Variants in DACH2 observed in about 807,000 individuals in gnomAD.
DACH2 encodes the protein dachshund homolog 2.
Under a neutral mutation model 35.8 loss-of-function variants are expected in DACH2, and 17 were observed. The ratio of observed to expected loss-of-function variants is 0.48; its 90% CI spans 0.33 to 0.71. DACH2 has a LOEUF of 0.71. Among genes scored for constraint, DACH2 ranks in the 30% least tolerant of loss-of-function variants. The pLI, the probability that DACH2 is intolerant of heterozygous loss-of-function variation, is 0.02. For missense variants in DACH2, 469 were observed against 472.7 expected, an observed-to-expected ratio of 0.99 and a Z score of 0.07; for synonymous variants, 195 against 177.3, an observed-to-expected ratio of 1.10 and a Z score of -0.79.
intron 6 of DACH2, among the ~76,000 whole-genome samples, chrX:86,722,507 C>T (rs1274436231): frequency 1.1e-5 from 1 of 91,939 alleles, no homozygotes; most frequent in Non-Finnish European, 2.1e-5. Flanking sequence ...TTCCACCATG[C>T]CTGGCTAATG....
intron 1 of DACH2, among the ~76,000 whole-genome samples, chrX:86,309,991 G>A (rs1035388128): frequency 3.6e-4 from 40 of 112,370 alleles, no homozygotes; most frequent in African/African-American, 1.3e-3. Flanking sequence ...GTCAGATAGG[G>A]ATGCTGTTTG....
At chrX:86,315,562 A>G (rs1394731339) in intron 1 of DACH2, among the ~76,000 whole-genome samples, 1 of 111,963 alleles carries the variant, frequency 8.9e-6, no homozygotes, top group Non-Finnish European at 1.9e-5. Flanking sequence ...GAACACCTTC[A>G]GGAAAGGATT....
intron 5 of DACH2, among the ~76,000 whole-genome samples, chrX:86,705,426 C>T (rs1214377765): frequency 9.1e-6 from 1 of 109,977 alleles, no homozygotes. Flanking sequence ...ACCTGTTGTC[C>T]AAAAACTCAT....
chrX:86,819,816 A>G (rs1456733573), intron 11 of DACH2, among the ~76,000 whole-genome samples: 3 of 111,478 alleles, frequency 2.7e-5, no homozygotes, highest in African/African-American at 9.8e-5. Context: ...ATTAATTAGC[A>G]TGAACAGCAG....
chrX:86,387,323 A>G (rs897259848), intron 2 of DACH2, among the ~76,000 whole-genome samples: 1 of 111,666 alleles, frequency 9.0e-6, no homozygotes, highest in African/African-American at 3.2e-5. Flanking sequence ...TTGTGATTCT[A>G]TAGGAAAATA....
chrX:86,787,040 G>A (rs772081547), intron 7 of DACH2, among the ~76,000 whole-genome samples: 13 of 111,645 alleles, frequency 1.2e-4, no homozygotes, highest in African/African-American at 4.2e-4. Flanking sequence ...CTTGCCTTCT[G>A]TCATGATTGT....
intron 3 of DACH2, among the ~76,000 whole-genome samples, chrX:86,540,597 C>A (rs977074444): frequency 4.5e-5 from 5 of 112,160 alleles, no homozygotes; most frequent in Non-Finnish European, 7.5e-5. Flanking sequence ...TTGATCGGGA[C>A]ATTTAGTTGC....
intron 3 of DACH2, among the ~76,000 whole-genome samples, chrX:86,555,940 G>A (rs1038541980): frequency 3.4e-4 from 38 of 110,599 alleles, no homozygotes; most frequent in African/African-American, 1.2e-3. Context: ...CTTTAATGCC[G>A]GCATCTAAAA....
intron 2 of DACH2, among the ~76,000 whole-genome samples, chrX:86,418,632 G>C (rs187676302): frequency 2.7e-5 from 3 of 110,853 alleles, no homozygotes; most frequent in African/African-American, 6.6e-5. Context: ...TGGACCCTGG[G>C]CCTGGCCCAC....
intron 2 of DACH2, among the ~76,000 whole-genome samples, chrX:86,422,288 G>T (rs780822206): frequency 9.0e-6 from 1 of 110,723 alleles, no homozygotes; most frequent in African/African-American, 3.3e-5. Context: ...TCAACTGACA[G>T]GATAGTTTCA....
intron 1 of DACH2, among the ~76,000 whole-genome samples, chrX:86,194,617 T>C (rs2031926948): frequency 8.9e-6 from 1 of 112,477 alleles, no homozygotes; most frequent in Non-Finnish European, 1.9e-5. Flanking sequence ...GCCATGGACC[T>C]CTGGAATCCT....
At chrX:86,798,508 T>C (rs1352145806) in intron 7 of DACH2, 1 of 113,634 alleles carries the variant, frequency 8.8e-6, no homozygotes, top group Non-Finnish European at 1.9e-5. Flanking sequence ...GTGCTTCATC[T>C]ATGCAACAAA....
At chrX:86,271,946 T>C (rs1024722831) in intron 1 of DACH2, among the ~76,000 whole-genome samples, 1 of 111,131 alleles carries the variant, frequency 9.0e-6, no homozygotes, top group African/African-American at 3.3e-5. Context: ...TAATGTACAC[T>C]GTACCCATTA....
intron 7 of DACH2, among the ~76,000 whole-genome samples, chrX:86,789,851 G>T (rs10521382): frequency 0.3 from 32,846 of 110,692 alleles, 3,842 homozygotes; most frequent in Middle Eastern, 0.39. Context: ...AAAACTACCT[G>T]TTTGTCAAGT....
intron 1 of DACH2, chrX:86,262,943 A>G: frequency 1.3e-6 from 1 of 744,027 alleles, no homozygotes; most frequent in Non-Finnish European, 1.6e-6. Flanking sequence ...TCCACATTAA[A>G]ACAACCCCCA....
At chrX:86,786,702 G>A (rs1056383838) in intron 7 of DACH2, among the ~76,000 whole-genome samples, 1 of 112,023 alleles carries the variant, frequency 8.9e-6, no homozygotes, top group Non-Finnish European at 1.9e-5. Flanking sequence ...CTGCTGGATT[G>A]GGAAAATATT....
chrX:86,547,152 G>T (rs1056592195), intron 3 of DACH2, among the ~76,000 whole-genome samples: 3 of 111,090 alleles, frequency 2.7e-5, no homozygotes, highest in Non-Finnish European at 3.8e-5. Context: ...TGTTTTGTCC[G>T]AAGCCCCTTT....
chrX:86,378,022 A>C (rs1441298843), intron 2 of DACH2, among the ~76,000 whole-genome samples: 1 of 110,406 alleles, frequency 9.1e-6, no homozygotes, highest in Admixed American at 9.7e-5. Flanking sequence ...GTAAAATAGT[A>C]AATGGATTAT....
intron 1 of DACH2, among the ~76,000 whole-genome samples, chrX:86,207,047 T>C (rs1297264803): frequency 8.9e-6 from 1 of 111,826 alleles, no homozygotes; most frequent in African/African-American, 3.3e-5. Flanking sequence ...TTAAATAGTA[T>C]ACATTTTCAA....
Sources: gnomAD v4.1 joint callset for allele counts (sites outside exome capture counted in the v4.1 genomes callset) on GRCh38, gnomAD v4.1.1 for gene constraint, MANE v1.5 for transcripts, NCBI Gene and HGNC (gene_info 2026-07-23, HGNC 2026-07-21) for gene names.